NUCB2: variants seen among roughly 807,000 people sequenced by gnomAD.
The protein encoded by NUCB2 is nucleobindin-2.
Under a neutral mutation model 57.9 loss-of-function variants are expected in NUCB2, and 48 were observed. The ratio of observed to expected loss-of-function variants is 0.83; its 90% CI spans 0.66 to 1.05. The LOEUF (loss-of-function observed/expected upper bound fraction) is 1.05. Ranked by LOEUF, NUCB2 falls within the 50% of genes least tolerant of loss-of-function variation. The pLI, the probability that NUCB2 is intolerant of heterozygous loss-of-function variation, is 0.00. For synonymous variants in NUCB2, 139 were observed against 152.1 expected (o/e 0.91, Z 0.64); for missense variants, 442 against 476.2 (o/e 0.93, Z 0.67).
chr11:17,331,669 T>G lies in NUCB2; in HGVS notation c.*250T>G. The stretch of plus-strand genomic sequence containing the variant: ...CACATTCACACGGCTCTTTTATTTA[T>G]TTTTTTGTTCTCCTTTAATGATTTA... On this transcript the variant is annotated 3_prime_UTR_variant, in exon 14 of 14. Coordinates refer to ENST00000529010, the MANE Select transcript of NUCB2 (RefSeq NM_005013.4). 1 of 352,054 alleles carries G rather than the reference T, an allele frequency of 2.8e-6. No individual in the cohort carries two copies. 21.8% of individuals were successfully genotyped at this position (352,054 alleles called of 1,614,324 possible).
chr11:17,331,149 C>G (rs909777287), intron 13 of NUCB2, 166 bp downstream of exon 13: 2 of 608,510 alleles, frequency 3.3e-6, no homozygotes, highest in African/African-American at 3.8e-5. Flanking sequence ...GAAAATGCCT[C>G]CAAAAGTTTT....
intron 2 of NUCB2, among the ~76,000 whole-genome samples, chr11:17,284,852 A>T (rs1450636614): frequency 2.0e-5 from 3 of 152,218 alleles, no homozygotes; most frequent in Admixed American, 6.5e-5. Flanking sequence ...TAAAAATTGC[A>T]ATTGTATTTA....
chr11:17,324,577 G>T lies in NUCB2; in HGVS notation c.1003-5550G>T, dbSNP rs191398440. On this transcript the variant is annotated intron_variant, in intron 11 of 13. Transcript: ENST00000529010. ...GCCTCCCAAGTAGCTGGAATTACAG[G>T]TGCATGCCACCACGCCCAGCTAACT... 2.5e-3 allele frequency among the ~76,000 whole-genome samples: 376 copies of T among 151,424 alleles called. 3 individuals carry two copies. Among genetic ancestry groups the T allele is most frequent in the African/African-American group, 8.2e-3 (338 of 41,240 alleles).
intron 10 of NUCB2, among the ~76,000 whole-genome samples, chr11:17,312,956 T>C (rs1948722493): frequency 6.7e-6 from 1 of 150,248 alleles, no homozygotes; most frequent in Non-Finnish European, 1.5e-5. Context: ...ATCCACCCAC[T>C]TCGGCCTCCC....
rs1943570833 is a variant in NUCB2, at chr11:17,285,650, A to G, written c.-1+2707A>G. On this transcript the variant is annotated intron_variant, in intron 2 of 13. Transcript: ENST00000529010. Reference sequence around the variant, plus strand: ...TCCCAGCTACTCAGGAGGCTGAGGCAGGAGAATGGTGTGAACCCGGGAGGC... The same window carrying G: ...TCCCAGCTACTCAGGAGGCTGAGGCGGGAGAATGGTGTGAACCCGGGAGGC... Among the ~76,000 whole-genome samples, 3 of 147,456 alleles carry G rather than the reference A, an allele frequency of 2.0e-5. No individual in the cohort carries two copies. The South Asian group carries it at 6.7e-4, about 33-fold the overall frequency.
intron 1 of NUCB2, among the ~76,000 whole-genome samples, chr11:17,281,734 T>C (rs1942606795): frequency 6.6e-6 from 1 of 152,188 alleles, no homozygotes; most frequent in South Asian, 2.1e-4. Flanking sequence ...ATAAAAGTCA[T>C]ATAACTTTCC....
intron 3 of NUCB2, 62 bp downstream of exon 3, chr11:17,295,529 C>A: frequency 7.9e-7 from 1 of 1,267,330 alleles, no homozygotes; most frequent in Non-Finnish European, 1.1e-6. Context: ...ATAATTGTAA[C>A]TAAATGAGGT....
At chr11:17,305,939 G>T (rs1393927099) in intron 5 of NUCB2, among the ~76,000 whole-genome samples, 1 of 152,100 alleles carries the variant, frequency 6.6e-6, no homozygotes, top group East Asian at 1.9e-4. Context: ...TTTTAATTAA[G>T]TAGTGTTGGT....
At chr11:17,304,341 C>G (rs1947276255) in intron 5 of NUCB2, among the ~76,000 whole-genome samples, 1 of 152,054 alleles carries the variant, frequency 6.6e-6, no homozygotes, top group African/African-American at 2.4e-5. Context: ...ATTACAGGTG[C>G]CTGCCACCAC....
chr11:17,317,043 T>C (rs1477754182), intron 11 of NUCB2, among the ~76,000 whole-genome samples: 2 of 152,206 alleles, frequency 1.3e-5, no homozygotes, highest in East Asian at 1.9e-4. Context: ...ATGCTAAGAT[T>C]ATTTGAATCT....
intron 1 of NUCB2, among the ~76,000 whole-genome samples, chr11:17,281,472 A>G (rs1020841110): frequency 6.6e-6 from 1 of 152,058 alleles, no homozygotes; most frequent in African/African-American, 2.4e-5. Flanking sequence ...ACAGATTTTC[A>G]TATTTCTTTA....
At chr11:17,345,590 C>G (rs1178883252) in intron 2 of NUCB2, among the ~76,000 whole-genome samples, 1 of 151,920 alleles carries the variant, frequency 6.6e-6, no homozygotes, top group East Asian at 1.9e-4. Context: ...GCCTGTAATC[C>G]CAGCTACTCA....
chr11:17,279,124 G>A (rs962849363), intron 1 of NUCB2, among the ~76,000 whole-genome samples: 2 of 152,114 alleles, frequency 1.3e-5, no homozygotes, highest in Admixed American at 1.3e-4. Flanking sequence ...ACCTGGAGGC[G>A]GAGGTTGCAG....
At chr11:17,318,833 A>G (rs1251546098) in intron 11 of NUCB2, among the ~76,000 whole-genome samples, 1 of 152,174 alleles carries the variant, frequency 6.6e-6, no homozygotes, top group African/African-American at 2.4e-5. Context: ...ATTGCTTTTC[A>G]AAAGACTTAC....
chr11:17,334,822 G>A (rs1219477215), downstream of NUCB2, among the ~76,000 whole-genome samples: 1 of 150,722 alleles, frequency 6.6e-6, no homozygotes, highest in Middle Eastern at 3.5e-3. Flanking sequence ...GGAGGTGGAG[G>A]TTGCAGTGAG....
At chr11:17,281,837 T>C (rs1466590121) in intron 1 of NUCB2, among the ~76,000 whole-genome samples, 1 of 151,978 alleles carries the variant, frequency 6.6e-6, no homozygotes, top group African/African-American at 2.4e-5. Flanking sequence ...CTCCTTAAAA[T>C]TTGAAAATAT....
intron 2 of NUCB2, among the ~76,000 whole-genome samples, chr11:17,341,394 A>T (rs1185964950): frequency 2.6e-5 from 4 of 151,676 alleles, no homozygotes; most frequent in Admixed American, 6.6e-5. Flanking sequence ...GTCTTGTGCC[A>T]GTTTTCAAAG....
chr11:17,282,040 G>A (rs945199533), intron 1 of NUCB2, among the ~76,000 whole-genome samples: 3 of 151,388 alleles, frequency 2.0e-5, no homozygotes, highest in Non-Finnish European at 4.4e-5. Flanking sequence ...TTGGTGGTAA[G>A]AGTAAAGAAA....
chr11:17,349,041 A>G (rs959954223), intron 2 of NUCB2, among the ~76,000 whole-genome samples: 3 of 152,174 alleles, frequency 2.0e-5, no homozygotes, highest in African/African-American at 7.2e-5. Flanking sequence ...CGGCCTCCCA[A>G]AGTGCTGGGA....
Sources: gnomAD v4.1 joint callset for allele counts (sites outside exome capture counted in the v4.1 genomes callset) on GRCh38, gnomAD v4.1.1 for gene constraint, MANE v1.5 for transcripts, NCBI Gene and HGNC (gene_info 2026-07-23, HGNC 2026-07-21) for gene names.